The following MOCOS variants were observed in gnomAD, a reference collection of about 807,000 sequenced individuals.
MOCOS encodes molybdenum cofactor sulfurase, also known as human molybdenum cofactor sulfurase.
In MOCOS, 86 loss-of-function variants were observed where a neutral mutation model predicts 83.6. That is an observed-to-expected ratio of 1.03 (90% CI 0.86 to 1.23). MOCOS has a LOEUF of 1.23. Among genes scored for constraint, MOCOS ranks in the 50% most tolerant of loss-of-function variants. MOCOS has a pLI of 0.00. For missense variants in MOCOS, 1,120 were observed against 1,126.9 expected, an observed-to-expected ratio of 0.99 and a Z score of 0.09; for synonymous variants, 445 against 434.7, an observed-to-expected ratio of 1.02 and a Z score of -0.29.
intron 11 of MOCOS, among the ~76,000 whole-genome samples, 166 bp downstream of exon 11, chr18:36,251,449 G>T (rs12604319): frequency 6.6e-6 from 1 of 152,236 alleles, no homozygotes; most frequent in East Asian, 1.9e-4. Context: ...GTCAGCAGGC[G>T]AAATGGGCTC....
In MOCOS at chr18:36,270,423, T is replaced by C. The variant is rs1031772596; in HGVS notation, c.*1738T>C. On this transcript the variant is annotated 3_prime_UTR_variant, in exon 15 of 15. Transcript: ENST00000261326. ...GTAAGAAGGCATGCTCTACAAAAATTAGGTCACTTGCCCAGGTGCGGTGGC... is the reference window on the plus strand; with the variant it reads ...GTAAGAAGGCATGCTCTACAAAAATCAGGTCACTTGCCCAGGTGCGGTGGC... 9.2e-5 allele frequency: 14 copies of C among 152,104 alleles called. No individual in the cohort carries two copies. Among genetic ancestry groups the C allele is most frequent in the African/African-American group, 3.1e-4 (13 of 41,424 alleles). The allele number at this position is 152,104 out of a possible 1,614,324, so 9.4% of individuals were successfully genotyped here.
chr18:36,251,081 C>A, intron 10 of MOCOS, 78 bp from the exon 11 acceptor site: 5 of 1,508,900 alleles, frequency 3.3e-6, no homozygotes, highest in Non-Finnish European at 4.5e-6. Flanking sequence ...TATTTTGTAA[C>A]CAAACTTTTT....
At chr18:36,230,920 A>G (rs887863453) in intron 9 of MOCOS, among the ~76,000 whole-genome samples, 70 of 151,832 alleles carry the variant, frequency 4.6e-4, no homozygotes, top group African/African-American at 1.6e-3. Context: ...TTTCTTTTTC[A>G]TTTTTATTTC....
chr18:36,244,737 T>C (rs1299887219), intron 9 of MOCOS, among the ~76,000 whole-genome samples: 1 of 152,166 alleles, frequency 6.6e-6, no homozygotes, highest in Non-Finnish European at 1.5e-5. Flanking sequence ...CCCACTATTA[T>C]TGTGTTGTCA....
At chr18:36,249,030 G>C in intron 10 of MOCOS, 30 bp downstream of exon 10, 1 of 1,593,196 alleles carries the variant, frequency 6.3e-7, no homozygotes, top group Non-Finnish European at 8.6e-7. Flanking sequence ...GAAAATCTCA[G>C]CTTTATTGAC....
intron 11 of MOCOS, 92 bp downstream of exon 11, chr18:36,251,375 C>T (rs2091621337): frequency 6.6e-7 from 1 of 1,511,808 alleles, no homozygotes; most frequent in African/African-American, 1.4e-5. Context: ...TTACGGGTGA[C>T]TTGCTGATGT....
Position 36,210,850 on chromosome 18 carries a change from C to CAAAA in MOCOS, c.1219-2489_1219-2486dup, listed in dbSNP as rs60856965. Among the ~76,000 whole-genome samples the CAAAA allele has an allele frequency of 1.8e-3, 86 of 48,046 alleles. 7 individuals are homozygous for CAAAA. Among genetic ancestry groups the CAAAA allele is most frequent in the Admixed American group, 6.2e-3 (20 of 3,230 alleles). The allele number at this position is 48,046 out of a possible 152,430, so 31.5% of individuals were successfully genotyped here. On this transcript the variant is annotated intron_variant, in intron 6 of 14. Coordinates refer to ENST00000261326, the MANE Select transcript of MOCOS (RefSeq NM_017947.4). ...TGGGTGACAGAGCAAGACTCTGTCT[C>CAAAA]AAAAAAAAAAAAAAAAAAAAAAAAA... is the stretch of plus-strand genomic sequence containing the variant.
Position 36,199,983 on chromosome 18 carries a change from C to T in MOCOS, c.600C>T (p.Tyr200=), listed in dbSNP as rs956200675. 6.2e-7 allele frequency: 1 copy of T among 1,614,140 alleles called. No homozygotes were observed. The highest frequency in any genetic ancestry group is 8.5e-7 in the Non-Finnish European group (1 of 1,180,056). The change falls in exon 4 of 15, where the codon TAC becomes TAT. Residue 200 remains tyrosine, a synonymous_variant. Transcript: ENST00000261326. ...PDCQLPHLFC[Y]PAQSNFSGVR... ...GCCAGCTGCCGCATCTCTTCTGCTA[C>T]CCAGCTCAGAGTAACTTTTCTGGAG...
intron 11 of MOCOS, among the ~76,000 whole-genome samples, chr18:36,252,557 CA>C (rs34085750): frequency 2.4e-4 from 36 of 151,188 alleles, no homozygotes; most frequent in African/African-American, 7.5e-4. Flanking sequence ...GACTCTGTCT[CA>C]AAAAAAAATT....
At chr18:36,261,211 T>TC (rs1186836911) in intron 13 of MOCOS, among the ~76,000 whole-genome samples, 1 of 152,084 alleles carries the variant, frequency 6.6e-6, no homozygotes, top group African/African-American at 2.4e-5. Flanking sequence ...ACATCCTTAA[T>TC]CCAAAAATCT....
intron 9 of MOCOS, among the ~76,000 whole-genome samples, chr18:36,239,139 A>C (rs1399989150): frequency 1.3e-5 from 2 of 151,082 alleles, no homozygotes; most frequent in Admixed American, 1.3e-4. Context: ...TTTACATTTA[A>C]AGTTAATAGT....
At chr18:36,245,285 G>A (rs2091598436) in intron 9 of MOCOS, among the ~76,000 whole-genome samples, 3 of 152,022 alleles carry the variant, frequency 2.0e-5, no homozygotes. Context: ...TTAAGATTTA[G>A]GACTTCTTTT....
At chr18:36,264,046 G>A (rs577080966) in intron 13 of MOCOS, among the ~76,000 whole-genome samples, 3 of 152,112 alleles carry the variant, frequency 2.0e-5, no homozygotes, top group Admixed American at 6.5e-5. Context: ...GTGGTGGCTG[G>A]TGCCTGTAAT....
At chr18:36,249,260 T>A (rs1352138591) in intron 10 of MOCOS, among the ~76,000 whole-genome samples, 1 of 152,150 alleles carries the variant, frequency 6.6e-6, no homozygotes, top group Non-Finnish European at 1.5e-5. Flanking sequence ...CACAGGGCTG[T>A]TCTCTCACCT....
At chr18:36,238,461 T>C (rs2091568146) in intron 9 of MOCOS, among the ~76,000 whole-genome samples, 1 of 149,758 alleles carries the variant, frequency 6.7e-6, no homozygotes, top group Non-Finnish European at 1.5e-5. Flanking sequence ...AGATTCTTAA[T>C]CCTGAGTTCT....
intron 1 of MOCOS, among the ~76,000 whole-genome samples, chr18:36,194,991 TCTC>T (rs2091381583): frequency 6.6e-6 from 1 of 152,198 alleles, no homozygotes; most frequent in Non-Finnish European, 1.5e-5. Flanking sequence ...CTGGGCGTCT[TCTC>T]TGTGTGGGAT....
intron 13 of MOCOS, among the ~76,000 whole-genome samples, chr18:36,264,435 A>C (rs889549631): frequency 6.6e-6 from 1 of 152,132 alleles, no homozygotes; most frequent in Non-Finnish European, 1.5e-5. Flanking sequence ...CAGGAGCCAC[A>C]CTGGCTCCTC....
chr18:36,193,825 C>T (rs759514563), intron 1 of MOCOS, among the ~76,000 whole-genome samples: 2 of 152,158 alleles, frequency 1.3e-5, no homozygotes, highest in Admixed American at 6.5e-5. Context: ...AACACATCCA[C>T]ACAAAAACTT....
chr18:36,231,511 G>A (rs901966973), intron 9 of MOCOS, among the ~76,000 whole-genome samples: 5 of 152,140 alleles, frequency 3.3e-5, no homozygotes, highest in Non-Finnish European at 7.4e-5. Flanking sequence ...AAAAAGACTA[G>A]CTTTCCAACT....
Sources: allele counts gnomAD v4.1 joint callset (sites outside exome capture counted in the v4.1 genomes callset), GRCh38; gene constraint gnomAD v4.1.1; transcripts MANE v1.5; gene names NCBI Gene and HGNC (gene_info 2026-07-23, HGNC 2026-07-21).